Variants in CCDC81 observed in about 807,000 individuals in gnomAD.
CCDC81 encodes coiled-coil domain-containing protein 81.
Under a neutral mutation model 83.7 loss-of-function variants are expected in CCDC81, and 79 were observed. The observed-to-expected ratio is 0.94, with a 90% CI of 0.79 to 1.14. The LOEUF is 1.14. CCDC81 is among the 50% of genes most tolerant of loss of function. The probability of loss-of-function intolerance (pLI) is 0.00; values close to 1 mark genes in which losing one functional copy is unlikely to be tolerated. For missense variants in CCDC81, 791 were observed against 778.1 expected (o/e 1.02, Z -0.20); for synonymous variants, 252 against 278.1 (o/e 0.91, Z 0.93).
At chr11:86,381,170 T>C (rs1166265394) in intron 1 of CCDC81, among the ~76,000 whole-genome samples, 1 of 152,210 alleles carries the variant, frequency 6.6e-6, no homozygotes, top group Non-Finnish European at 1.5e-5. Context: ...TCTCAGATTT[T>C]TCCTTTCTCC....
intron 10 of CCDC81, among the ~76,000 whole-genome samples, chr11:86,409,696 G>A (rs1374296466): frequency 6.6e-5 from 10 of 152,162 alleles, no homozygotes; most frequent in Non-Finnish European, 1.0e-4. Flanking sequence ...TGATCTGCCC[G>A]TCTTGGCCTC....
At chr11:86,396,574 C>G (rs925651959) in intron 5 of CCDC81, among the ~76,000 whole-genome samples, 6 of 152,168 alleles carry the variant, frequency 3.9e-5, no homozygotes, top group Non-Finnish European at 8.8e-5. Flanking sequence ...TTGTTTGTTG[C>G]TTTGGAACAA....
intron 10 of CCDC81, among the ~76,000 whole-genome samples, chr11:86,411,368 C>G (rs1288863993): frequency 1.3e-5 from 2 of 152,200 alleles, no homozygotes; most frequent in African/African-American, 4.8e-5. Context: ...GAAAAACCTT[C>G]CCTAATAACC....
chr11:86,389,237 A>AAATAAT (rs145645003), intron 3 of CCDC81, among the ~76,000 whole-genome samples: 2 of 151,556 alleles, frequency 1.3e-5, no homozygotes, highest in African/African-American at 4.9e-5. Context: ...GAAGGCTGCA[A>AAATAAT]AATAATAATA....
At chr11:86,420,155 T>G (rs553779554) in intron 14 of CCDC81, 102 bp downstream of exon 14, 17 of 1,382,672 alleles carry the variant, frequency 1.2e-5, no homozygotes, top group Non-Finnish European at 1.6e-5. Context: ...CTAGAGAACC[T>G]TGTGGAGAAA....
intron 3 of CCDC81, among the ~76,000 whole-genome samples, chr11:86,389,646 C>G (rs1322950195): frequency 1.3e-5 from 2 of 152,140 alleles, no homozygotes; most frequent in Non-Finnish European, 2.9e-5. Context: ...GGGGGAAATT[C>G]ACTCCCATGA....
chr11:86,404,376 A>T (rs529119367), intron 7 of CCDC81, among the ~76,000 whole-genome samples: 52 of 152,314 alleles, frequency 3.4e-4, no homozygotes, highest in African/African-American at 1.2e-3. Flanking sequence ...TTTGCATATT[A>T]TCTGTACCTG....
Position 86,375,144 on chromosome 11 carries a change from G to T in CCDC81, c.-20G>T. The T allele has an allele frequency of 6.2e-7, 1 of 1,608,398 alleles. No homozygotes were observed. The highest frequency in any genetic ancestry group is 8.5e-7 in the Non-Finnish European group (1 of 1,175,050). On this transcript the variant is annotated 5_prime_UTR_variant, in exon 1 of 15. Coordinates refer to ENST00000445632, the MANE Select transcript of CCDC81 (RefSeq NM_001156474.2). ...AGAGACCCATCGAACATTCAGTACGGAGTCACCTGGAAATTGGAGATGTTG... is the reference window on the plus strand; with the variant it reads ...AGAGACCCATCGAACATTCAGTACGTAGTCACCTGGAAATTGGAGATGTTG...
intron 10 of CCDC81, among the ~76,000 whole-genome samples, chr11:86,409,665 G>A (rs1948611947): frequency 6.6e-6 from 1 of 152,176 alleles, no homozygotes; most frequent in South Asian, 2.1e-4. Flanking sequence ...TGGCCAGGCT[G>A]GTCTTGAACT....
chr11:86,401,998 G>A (rs1393578146), intron 7 of CCDC81, among the ~76,000 whole-genome samples: 1 of 151,884 alleles, frequency 6.6e-6, no homozygotes, highest in Non-Finnish European at 1.5e-5. Flanking sequence ...ACCCGGGTGT[G>A]GTGGTGAGCG....
At chr11:86,395,149 G>C in intron 4 of CCDC81, 185 bp from the exon 5 acceptor site, 1 of 471,772 alleles carries the variant, frequency 2.1e-6, no homozygotes. Flanking sequence ...AGCTACCCAG[G>C]GTGATTGCTC....
At chr11:86,383,482 C>T (rs2138494520) in intron 1 of CCDC81, among the ~76,000 whole-genome samples, 1 of 152,138 alleles carries the variant, frequency 6.6e-6, no homozygotes, top group East Asian at 1.9e-4. Flanking sequence ...TTACTTGGCA[C>T]GGTGTTTAAA....
Position 86,420,051 on chromosome 11 carries a change from A to G in CCDC81, c.1815A>G (p.Glu605=). 6.2e-7 allele frequency: 1 copy of G among 1,612,828 alleles called. No individual in the cohort carries two copies. Among genetic ancestry groups the G allele is most frequent in the South Asian group, 1.1e-5 (1 of 90,820 alleles). ...KQRDLEDKAF[E]RASDKLFLLD... ...GAGACCTGGAGGACAAGGCTTTTGA[A>G]CGGTAATGCCTGATTGGAACCCCAA... The change falls in exon 14 of 15, where the codon GAA becomes GAG. Residue 605 remains glutamate (E), a splice_region_variant and synonymous_variant. Transcript: ENST00000445632.
At chr11:86,418,065 T>C (rs555057896) in intron 13 of CCDC81, among the ~76,000 whole-genome samples, 4 of 152,308 alleles carry the variant, frequency 2.6e-5, no homozygotes, top group African/African-American at 9.6e-5. Flanking sequence ...TTAAAATTAT[T>C]TTAACCTATC....
chr11:86,391,056 G>A (rs1018878019), intron 3 of CCDC81, among the ~76,000 whole-genome samples: 5 of 152,118 alleles, frequency 3.3e-5, no homozygotes, highest in Admixed American at 6.5e-5. Context: ...AGCAAAGGGG[G>A]CCAAGGAGTC....
At chr11:86,402,722 C>G (rs1457612481) in intron 7 of CCDC81, among the ~76,000 whole-genome samples, 1 of 152,162 alleles carries the variant, frequency 6.6e-6, no homozygotes, top group Non-Finnish European at 1.5e-5. Context: ...CTCTCAGCAA[C>G]AGTAATATGA....
At chr11:86,379,745 G>A (rs1948151024) in intron 1 of CCDC81, among the ~76,000 whole-genome samples, 1 of 152,204 alleles carries the variant, frequency 6.6e-6, no homozygotes, top group African/African-American at 2.4e-5. Context: ...AGGATGCCAA[G>A]GTGGGAGAAT....
At chr11:86,401,580 G>A (rs1340514637) in intron 7 of CCDC81, among the ~76,000 whole-genome samples, 1 of 152,014 alleles carries the variant, frequency 6.6e-6, no homozygotes, top group African/African-American at 2.4e-5. Context: ...ATAGTACTTG[G>A]GAATTTAATT....
chr11:86,411,630 G>A (rs1447114446), intron 10 of CCDC81, among the ~76,000 whole-genome samples: 2 of 152,068 alleles, frequency 1.3e-5, no homozygotes, highest in Admixed American at 6.6e-5. Flanking sequence ...GCATGATTTC[G>A]CATGCACTCA....
Sources: allele counts gnomAD v4.1 joint callset (sites outside exome capture counted in the v4.1 genomes callset), GRCh38; gene constraint gnomAD v4.1.1; transcripts MANE v1.5; gene names NCBI Gene and HGNC (gene_info 2026-07-23, HGNC 2026-07-21).